The following PIGB variants were observed in gnomAD, a reference collection of about 807,000 sequenced individuals.
PIGB encodes GPI alpha-1,2-mannosyltransferase 3.
A neutral mutation model predicts 68.4 loss-of-function variants in PIGB; 58 were observed. The ratio of observed to expected loss-of-function variants is 0.85; its 90% CI spans 0.69 to 1.06. The LOEUF (loss-of-function observed/expected upper bound fraction) is 1.06, where lower values mean the gene tolerates loss of function less well. PIGB is among the 50% of genes least tolerant of loss of function. The probability of loss-of-function intolerance (pLI) is 0.00; values close to 1 mark genes in which losing one functional copy is unlikely to be tolerated. For synonymous variants in PIGB, 219 were observed against 220.5 expected, an observed-to-expected ratio of 0.99 and a Z score of 0.06; for missense variants, 634 against 655.8, an observed-to-expected ratio of 0.97 and a Z score of 0.36.
chr15:55,320,493 C>A, intron 2 of PIGB, 83 bp downstream of exon 2: 1 of 1,302,228 alleles, frequency 7.7e-7, no homozygotes, highest in South Asian at 1.4e-5. Context: ...AGTAGTCCCC[C>A]TTGCTCCCTC....
chr15:55,320,224 G>A (rs930895721), intron 1 of PIGB, 51 bp from the exon 2 acceptor site: 1 of 1,576,256 alleles, frequency 6.3e-7, no homozygotes, highest in African/African-American at 1.4e-5. Flanking sequence ...TTTTGCAAGT[G>A]GAACTGCCTG....
chr15:55,321,170 T>G, intron 2 of PIGB, 103 bp from the exon 3 acceptor site: 3 of 1,070,892 alleles, frequency 2.8e-6, no homozygotes, highest in Non-Finnish European at 3.8e-6. Flanking sequence ...GAGCCCAAGT[T>G]TGAGACCAGC....
rs200420981 is a variant in PIGB at position 55,321,404 on chromosome 15, A to G, written c.417+14A>G. On this transcript the variant is annotated intron_variant, in intron 3 of 11. Coordinates refer to ENST00000164305, the MANE Select transcript of PIGB (RefSeq NM_004855.5). ...GTTCAGTTGCTGGTAAGTTTAAATA[A>G]AAGTAACTAAATGATATTGGGGCCA... The G allele has an allele frequency of 1.2e-3, 1,820 of 1,564,180 alleles. 2 individuals are homozygous for G. The highest frequency in any genetic ancestry group is 4.5e-3 in the Middle Eastern group (27 of 5,944).
At chr15:55,351,110 C>CT (rs374683561) in intron 10 of PIGB, among the ~76,000 whole-genome samples, 198 bp downstream of exon 10, 31,831 of 135,606 alleles carry the variant, frequency 0.23, 5,368 homozygotes, top group African/African-American at 0.48. Flanking sequence ...AACTTTTTTT[C>CT]TTTTTTTTTT....
intron 6 of PIGB, among the ~76,000 whole-genome samples, chr15:55,334,994 C>G (rs984769424): frequency 6.6e-6 from 1 of 152,246 alleles, no homozygotes; most frequent in African/African-American, 2.4e-5. Flanking sequence ...GCTGGAAATA[C>G]AGGCATGGGC....
chr15:55,332,288 A>G (rs1237390035), intron 5 of PIGB, among the ~76,000 whole-genome samples: 1 of 151,324 alleles, frequency 6.6e-6, no homozygotes, highest in Non-Finnish European at 1.5e-5. Flanking sequence ...TCTCATTTTT[A>G]TAGTTTACTG....
intron 3 of PIGB, among the ~76,000 whole-genome samples, chr15:55,322,686 C>T (rs186050626): frequency 1.3e-5 from 2 of 152,198 alleles, no homozygotes; most frequent in South Asian, 2.1e-4. Context: ...TATTTGCTTC[C>T]GTTATTGAGA....
chr15:55,332,787 A>G (rs895912157), intron 5 of PIGB, among the ~76,000 whole-genome samples: 2 of 152,206 alleles, frequency 1.3e-5, no homozygotes, highest in African/African-American at 4.8e-5. Context: ...TCCACATAAT[A>G]ATATACTATC....
At chr15:55,329,600 T>C in intron 4 of PIGB, 124 bp from the exon 5 acceptor site, 2 of 764,120 alleles carry the variant, frequency 2.6e-6, no homozygotes, top group South Asian at 5.2e-5. Context: ...CTACTTACTT[T>C]AACATCATCT....
rs997480445 is a variant in PIGB at position 55,340,761 on chromosome 15, T to C, written c.996T>C (p.Tyr332=). ...THLPFFIHGC[Y]LAPKRYRILL... ...TACCCTTCTTTATTCATGGCTGCTATCTAGCACCAAAGAGATACCGGATAC... is the reference window on the plus strand; with the variant it reads ...TACCCTTCTTTATTCATGGCTGCTACCTAGCACCAAAGAGATACCGGATAC... Residue 332 remains tyrosine (Y), a synonymous_variant, in exon 8 of 12, where the codon TAT becomes TAC. Coordinates refer to ENST00000164305, the MANE Select transcript of PIGB (RefSeq NM_004855.5). 3 of 1,611,252 alleles carry C rather than the reference T, an allele frequency of 1.9e-6. No homozygotes were observed. Among genetic ancestry groups the C allele is most frequent in the Admixed American group, 1.7e-5 (1 of 59,674 alleles).
At chr15:55,328,566 A>G (rs932138334) in intron 4 of PIGB, among the ~76,000 whole-genome samples, 25 of 152,180 alleles carry the variant, frequency 1.6e-4, no homozygotes, top group African/African-American at 5.8e-4. Flanking sequence ...TGATTCAGCA[A>G]TATGGTTAGC....
At chr15:55,353,698 G>A (rs1010158889) in intron 10 of PIGB, among the ~76,000 whole-genome samples, 16 of 151,964 alleles carry the variant, frequency 1.1e-4, no homozygotes, top group Non-Finnish European at 1.5e-4. Flanking sequence ...TCCGTCTTCT[G>A]GGTTCAAGAA....
intron 9 of PIGB, among the ~76,000 whole-genome samples, chr15:55,348,109 CTGCCTCAGCT>C (rs1047936891): frequency 4.0e-4 from 61 of 151,960 alleles, no homozygotes; most frequent in African/African-American, 1.4e-3. Context: ...CTGCCTCAGC[CTGCCTCAGCT>C]GGGACTACAG....
At chr15:55,328,732 C>G (rs1258927023) in intron 4 of PIGB, among the ~76,000 whole-genome samples, 3 of 152,182 alleles carry the variant, frequency 2.0e-5, no homozygotes, top group Non-Finnish European at 4.4e-5. Context: ...CTTTGGGAGG[C>G]TGAGGTGGGC....
chr15:55,354,652 AGT>A, intron 10 of PIGB, 144 bp from the exon 11 acceptor site: 1 of 618,598 alleles, frequency 1.6e-6, no homozygotes, highest in Non-Finnish European at 2.7e-6. Flanking sequence ...TGAGAAAATG[AGT>A]TAAAGGCTTG....
At chr15:55,352,847 ATTAAT>A (rs2055954512) in intron 10 of PIGB, among the ~76,000 whole-genome samples, 1 of 152,236 alleles carries the variant, frequency 6.6e-6, no homozygotes, top group African/African-American at 2.4e-5. Context: ...TGCACGTTCA[ATTAAT>A]TTAATTACAG....
At chr15:55,322,910 A>G (rs942976541) in intron 3 of PIGB, among the ~76,000 whole-genome samples, 4 of 152,192 alleles carry the variant, frequency 2.6e-5, no homozygotes, top group Non-Finnish European at 5.9e-5. Context: ...AATCTCATCA[A>G]TGACAGTTTA....
At chr15:55,320,493 C>G (rs570904556) in intron 2 of PIGB, 83 bp downstream of exon 2, 1 of 1,302,224 alleles carries the variant, frequency 7.7e-7, no homozygotes, top group East Asian at 2.3e-5. Context: ...AGTAGTCCCC[C>G]TTGCTCCCTC....
intron 9 of PIGB, among the ~76,000 whole-genome samples, chr15:55,344,957 G>T (rs1160613277): frequency 7.0e-6 from 1 of 141,892 alleles, no homozygotes; most frequent in African/African-American, 2.7e-5. Flanking sequence ...GTGCAGTGGC[G>T]CAATCTCAGC....
Sources: gnomAD v4.1 joint callset for allele counts (sites outside exome capture counted in the v4.1 genomes callset) on GRCh38, gnomAD v4.1.1 for gene constraint, MANE v1.5 for transcripts, NCBI Gene and HGNC (gene_info 2026-07-23, HGNC 2026-07-21) for gene names.